The following ANKRD18A variants were observed in gnomAD, a reference collection of about 807,000 sequenced individuals.
ANKRD18A encodes the protein ankyrin repeat domain-containing protein 18A.
Under a neutral mutation model 110.6 loss-of-function variants are expected in ANKRD18A, and 72 were observed. That is an observed-to-expected ratio of 0.65 (90% confidence interval 0.54 to 0.79). The LOEUF is 0.79. Ranked by LOEUF, ANKRD18A falls within the 30% of genes least tolerant of loss-of-function variation. ANKRD18A has a pLI of 0.00. For synonymous variants in ANKRD18A, 305 were observed against 410.3 expected (o/e 0.74, Z 3.10); for missense variants, 934 against 1,163.3 (o/e 0.80, Z 2.87).
chr9:38,616,019 G>A lies in ANKRD18A; in HGVS notation c.232C>T (p.His78Tyr), dbSNP rs373460645. ...AGAGTGACCACTTGCACACGGCCAT[G>A]GGCACAGGCCAAATGTAGAACAGTC... is the stretch of plus-strand genomic sequence containing the variant. ...DRTVLHLACA[H>Y]GRVQVVTLLL... The change falls in exon 2 of 16, where the codon CAT (histidine) becomes TAT (tyrosine). Residue 78 changes from histidine (H) to tyrosine (Y), a missense_variant. This residue lies in a region of ANKRD18A where 630 missense variants were observed against 797.5 expected (regional missense o/e 0.79). Transcript: ENST00000399703. The A allele has an allele frequency of 3.1e-4, 501 of 1,592,040 alleles. 3 individuals carry two copies. The African/African-American group carries it at 6.0e-3, about 19-fold the overall frequency.
At chr9:38,573,753 A>G (rs1823762110) in intron 15 of ANKRD18A, among the ~76,000 whole-genome samples, 1 of 152,148 alleles carries the variant, frequency 6.6e-6, no homozygotes, top group South Asian at 2.1e-4. Context: ...TTAAAGTCAC[A>G]TTTTGCAATG....
rs1348857526 is a variant in ANKRD18A at position 38,571,737 on chromosome 9, T to C, written c.*308A>G. The C allele has an allele frequency of 2.8e-6, 3 of 1,058,982 alleles. No homozygotes were observed. Among genetic ancestry groups the C allele is most frequent in the African/African-American group, 3.4e-5 (2 of 59,156 alleles). The allele number at this position is 1,058,982 out of a possible 1,614,324, so 65.6% of individuals were successfully genotyped here. Reference sequence around the variant, plus strand: ...ACAGCTGACATTCAGGCAATTTGAGTAGGCCAAACTCAATAACGCTGGTGT... The same window carrying C: ...ACAGCTGACATTCAGGCAATTTGAGCAGGCCAAACTCAATAACGCTGGTGT... On this transcript the variant is annotated 3_prime_UTR_variant, in exon 16 of 16. Transcript: ENST00000399703.
downstream of ANKRD18A, chr9:38,566,825 A>G (rs1454791921): frequency 2.0e-5 from 3 of 152,280 alleles, no homozygotes; most frequent in East Asian, 5.8e-4. Flanking sequence ...AGAGTTTTCA[A>G]TGACCAGGTG....
rs200079271 is a variant in ANKRD18A, at chr9:38,595,902, G to A, written c.1438C>T (p.Arg480Trp). The change falls in exon 9 of 16, where the codon CGG becomes TGG. Residue 480 changes from arginine to tryptophan, a missense_variant. By Grantham distance (101) the Arg-to-Trp change is moderately radical. This residue lies in a region of ANKRD18A where 630 missense variants were observed against 797.5 expected (regional missense o/e 0.79). Coordinates refer to ENST00000399703, the MANE Select transcript of ANKRD18A (RefSeq NM_147195.4). ...CCTTTTAAGGTATTGAACTTCACCCGAGCTTTATGGACCTGTTCAGTAAGC... is the reference window on the plus strand; with the variant it reads ...CCTTTTAAGGTATTGAACTTCACCCAAGCTTTATGGACCTGTTCAGTAAGC... ...ELLTEQVHKARVKFNTLKGKL... is the reference protein window; with the variant it reads ...ELLTEQVHKAWVKFNTLKGKL... 221 of 1,550,910 alleles carry A rather than the reference G, an allele frequency of 1.4e-4. No homozygotes were observed. Among genetic ancestry groups the A allele is most frequent in the Non-Finnish European group, 1.9e-4 (213 of 1,146,662 alleles).
chr9:38,611,517 T>G (rs550423866), intron 3 of ANKRD18A, among the ~76,000 whole-genome samples, 196 bp from the exon 4 acceptor site: 1 of 152,286 alleles, frequency 6.6e-6, no homozygotes, highest in East Asian at 1.9e-4. Flanking sequence ...CTCCCCACAT[T>G]AACTTCAGTC....
At chr9:38,593,179 C>A (rs1470805431) in intron 10 of ANKRD18A, among the ~76,000 whole-genome samples, 1 of 152,172 alleles carries the variant, frequency 6.6e-6, no homozygotes, top group Non-Finnish European at 1.5e-5. Flanking sequence ...TGTACATACT[C>A]TATTAGATCT....
rs1416749848 is a variant in ANKRD18A, at chr9:38,571,899, A to C, written c.*146T>G. ...GATGTTTTATATTATATGAGAAACA[A>C]TTAAAATTTCATGTAAATAGCCCAG... On this transcript the variant is annotated 3_prime_UTR_variant, in exon 16 of 16. Transcript: ENST00000399703. The C allele has an allele frequency of 7.1e-7, 1 of 1,398,720 alleles. No individual in the cohort carries two copies. Among genetic ancestry groups the C allele is most frequent in the African/African-American group, 1.5e-5 (1 of 66,558 alleles). The allele number at this position is 1,398,720 out of a possible 1,614,324, so 86.6% of individuals were successfully genotyped here. A position where few individuals can be genotyped will look rare whatever the true frequency, so the allele number is the denominator to read the frequency against.
downstream of ANKRD18A, chr9:38,569,286 G>A: frequency 1.0e-6 from 1 of 952,836 alleles, no homozygotes; most frequent in Non-Finnish European, 1.2e-6. Context: ...CACAGAACAG[G>A]CACCTGGTGA....
chr9:38,578,694 T>C (rs551355119), intron 12 of ANKRD18A, among the ~76,000 whole-genome samples: 20 of 152,176 alleles, frequency 1.3e-4, no homozygotes, highest in African/African-American at 4.8e-4. Context: ...CAGAGCAACA[T>C]AGTGAGACCC....
chr9:38,586,110 C>G, intron 12 of ANKRD18A, 73 bp downstream of exon 12: 1 of 1,361,770 alleles, frequency 7.3e-7, no homozygotes, highest in African/African-American at 1.6e-5. Context: ...ACACATTTAC[C>G]TATGTAACAA....
intron 15 of ANKRD18A, chr9:38,573,090 T>C (rs1157692191): frequency 4.2e-6 from 6 of 1,421,114 alleles, no homozygotes; most frequent in Non-Finnish European, 5.6e-6. Flanking sequence ...ATACTTTTCT[T>C]TGTTCCTGTA....
intron 1 of ANKRD18A, 23 bp from the exon 2 acceptor site, chr9:38,616,067 C>T (rs1345012611): frequency 1.3e-6 from 2 of 1,511,528 alleles, no homozygotes; most frequent in Admixed American, 2.3e-5. Flanking sequence ...GAGGGGTTTT[C>T]AGGAAATGTA....
At position 38,593,758 on chromosome 9, in the gene ANKRD18A, A is replaced by G. The variant is rs1184678585; in HGVS notation, c.2004+2T>C. The G allele has an allele frequency of 2.0e-6, 3 of 1,528,394 alleles. No homozygotes were observed. The highest frequency in any genetic ancestry group is 2.6e-6 in the Non-Finnish European group (3 of 1,138,354). The allele number at this position is 1,528,394 out of a possible 1,614,324, so 94.7% of individuals were successfully genotyped here. On this transcript the variant is annotated splice_donor_variant, in intron 10 of 15. Coordinates refer to ENST00000399703, the MANE Select transcript of ANKRD18A (RefSeq NM_147195.4). LOFTEE classifies it high-confidence loss of function. ...TGTCTACATGTTAAATTCCATACAT[A>G]CTTGAATTTCTACTTGAAATAATTT...
In ANKRD18A at chr9:38,575,578, A is replaced by C. The variant is rs762992483; in HGVS notation, c.2862T>G (p.Leu954=). 202 of 1,551,458 alleles carry C rather than the reference A, an allele frequency of 1.3e-4. No individual in the cohort carries two copies. The highest frequency in any genetic ancestry group is 6.7e-4 in the Middle Eastern group (4 of 6,008). The change falls in exon 15 of 16, where the codon CTT becomes CTG. Residue 954 remains leucine (L), a synonymous_variant. Coordinates refer to ENST00000399703, the MANE Select transcript of ANKRD18A (RefSeq NM_147195.4). The stretch of plus-strand genomic sequence containing the variant: ...ATTTTCTGTTGAGTTCTATACTATT[A>C]AGATTTTCAACACAAGGTAACTCTG... The part of the protein sequence containing the change: ...PEPELPCVEN[L]NSIELNRKYI...
chr9:38,615,210 G>C (rs1446967185), intron 3 of ANKRD18A, among the ~76,000 whole-genome samples: 1 of 151,838 alleles, frequency 6.6e-6, no homozygotes, highest in Non-Finnish European at 1.5e-5. Flanking sequence ...CATTTTGTTA[G>C]AAAACCGTCA....
chr9:38,571,070 C>A, downstream of ANKRD18A: 1 of 1,478,244 alleles, frequency 6.8e-7, no homozygotes, highest in Non-Finnish European at 8.9e-7. Context: ...CCAGGGACCA[C>A]ATGAGGACTG....
chr9:38,598,480 G>T (rs1271794663), intron 8 of ANKRD18A, among the ~76,000 whole-genome samples: 2 of 152,150 alleles, frequency 1.3e-5, no homozygotes, highest in African/African-American at 4.8e-5. Context: ...AACCAGAACG[G>T]ATCAGATAAC....
At chr9:38,576,009 A>G (rs965536595) in intron 14 of ANKRD18A, among the ~76,000 whole-genome samples, 1 of 152,244 alleles carries the variant, frequency 6.6e-6, no homozygotes, top group Admixed American at 6.5e-5. Flanking sequence ...AGCTCTACTT[A>G]TAAGATTCTA....
At chr9:38,577,712 A>G (rs1251268790) in intron 13 of ANKRD18A, among the ~76,000 whole-genome samples, 155 bp downstream of exon 13, 5 of 152,198 alleles carry the variant, frequency 3.3e-5, no homozygotes, top group African/African-American at 1.2e-4. Context: ...TTAAATATTT[A>G]AAAGGAAAAA....
Sources: allele counts gnomAD v4.1 joint callset (sites outside exome capture counted in the v4.1 genomes callset), GRCh38; gene constraint gnomAD v4.1.1; regional missense constraint gnomAD v4.1.1; transcripts MANE v1.5; gene names NCBI Gene and HGNC (gene_info 2026-07-23, HGNC 2026-07-21).